Variants in ASB18 observed in about 807,000 individuals in gnomAD.
The protein encoded by ASB18 is ankyrin repeat and SOCS box protein 18.
In ASB18, 33 loss-of-function variants were observed where a neutral mutation model predicts 33.4. That is an observed-to-expected ratio of 0.99 (90% confidence interval 0.75 to 1.32). The LOEUF is 1.32. Among genes scored for constraint, ASB18 ranks in the 40% most tolerant of loss-of-function variants. ASB18 has a pLI of 0.00. For synonymous variants in ASB18, 295 were observed against 307.6 expected (o/e 0.96, Z 0.43); for missense variants, 694 against 655.5 (o/e 1.06, Z -0.64).
In ASB18 at chr2:236,220,610, G is replaced by A. The variant is rs887937502; in HGVS notation, c.597-5744C>T. Among the ~76,000 whole-genome samples, 1 of 147,928 alleles carries A rather than the reference G, an allele frequency of 6.8e-6. No individual in the cohort carries two copies. Among genetic ancestry groups the A allele is most frequent in the African/African-American group, 2.5e-5 (1 of 39,768 alleles). On this transcript the variant is annotated intron_variant, in intron 3 of 5. Coordinates refer to ENST00000409749, the MANE Select transcript of ASB18 (RefSeq NM_212556.4). The surrounding 1 kb of genome is among the most constrained non-coding windows in gnomAD (Gnocchi z 5.1). ...TTAGTCCCTGAAACAACTTTGCATTGTAGGTGGAATTTACAGTTGGGGAAA... is the reference window on the plus strand; with the variant it reads ...TTAGTCCCTGAAACAACTTTGCATTATAGGTGGAATTTACAGTTGGGGAAA...
In ASB18 at chr2:236,218,179, G is replaced by A. The variant is rs994737127; in HGVS notation, c.597-3313C>T. 1.4e-4 allele frequency among the ~76,000 whole-genome samples: 22 copies of A among 152,170 alleles called. 1 individual carries two copies. The highest frequency in any genetic ancestry group is 5.1e-4 in the African/African-American group (21 of 41,434). On this transcript the variant is annotated intron_variant, in intron 3 of 5. Coordinates refer to ENST00000409749, the MANE Select transcript of ASB18 (RefSeq NM_212556.4). ...TCTGCAACACAGATACCTTTCAGAG[G>A]AATGAGGACACTGGCCCACCCTCTG... is the stretch of plus-strand genomic sequence containing the variant.
At position 236,260,874 on chromosome 2, in the gene ASB18, C is replaced by CA. The variant is rs1304180989; in HGVS notation, c.205+3266dup. On this transcript the variant is annotated intron_variant, in intron 1 of 5. Transcript: ENST00000409749. The surrounding 1 kb of genome is among the most constrained non-coding windows in gnomAD (Gnocchi z 5.1). The stretch of plus-strand genomic sequence containing the variant: ...GGAGGCCCCAGCAGAAAGCAGTTCC[C>CA]AAGCTCATCCCACCATGGAGCTCTT... Among the ~76,000 whole-genome samples the CA allele has an allele frequency of 6.6e-6, 1 of 152,188 alleles. No individual in the cohort carries two copies. Among genetic ancestry groups the CA allele is most frequent in the African/African-American group, 2.4e-5 (1 of 41,452 alleles).
chr2:236,212,136 C>T (rs1312778438), intron 4 of ASB18, among the ~76,000 whole-genome samples: 1 of 152,210 alleles, frequency 6.6e-6, no homozygotes, highest in Non-Finnish European at 1.5e-5. Context: ...GATTCCTTGT[C>T]AAGCACTTCC....
chr2:236,206,193 T>A (rs993363863), intron 4 of ASB18, among the ~76,000 whole-genome samples: 1 of 149,594 alleles, frequency 6.7e-6, no homozygotes, highest in Non-Finnish European at 1.5e-5. Context: ...TTCTTGGGTT[T>A]TTTTTTTTTT....
At position 236,205,826 on chromosome 2, in the gene ASB18, G is replaced by A. The variant is rs1171536839; in HGVS notation, c.1101+8536C>T. 6.6e-6 allele frequency among the ~76,000 whole-genome samples: 1 copy of A among 152,174 alleles called. No individual in the cohort carries two copies. The highest frequency in any genetic ancestry group is 2.4e-5 in the African/African-American group (1 of 41,436). On this transcript the variant is annotated intron_variant, in intron 4 of 5. Coordinates refer to ENST00000409749, the MANE Select transcript of ASB18 (RefSeq NM_212556.4). The surrounding 1 kb of genome is among the most constrained non-coding windows in gnomAD (Gnocchi z 5.4). ...TCCAAATTTTCCTTTCAAAATCGGT[G>A]GATGATATTTCATTGTCTTATGTTA...
Position 236,262,928 on chromosome 2 carries a change from C to T in ASB18, c.205+1213G>A, listed in dbSNP as rs894854951. ...TCGGAAGTTCCAATCTCAGACTCCT[C>T]GCCTCAGCACCCTGCAAGCTCCATT... On this transcript the variant is annotated intron_variant, in intron 1 of 5. Transcript: ENST00000409749. The surrounding 1 kb of genome is among the most constrained non-coding windows in gnomAD (Gnocchi z 5.2). Among the ~76,000 whole-genome samples the T allele has an allele frequency of 5.3e-4, 80 of 152,284 alleles. No homozygotes were observed. Among genetic ancestry groups the T allele is most frequent in the African/African-American group, 1.8e-3 (75 of 41,560 alleles).
chr2:236,205,301 C>T lies in ASB18; in HGVS notation c.1102-8916G>A, dbSNP rs1007498645. ...CCTTCCATCTCCGGCCACACTGGTC[C>T]CCTGTGGTTCTGTGCGCAGGGCTGG... On this transcript the variant is annotated intron_variant, in intron 4 of 5. Coordinates refer to ENST00000409749, the MANE Select transcript of ASB18 (RefSeq NM_212556.4). This position sits in a 1 kb window ranked among gnomAD's most constrained non-coding sequence, Gnocchi z 5.4. Among the ~76,000 whole-genome samples, 5 of 152,178 alleles carry T rather than the reference C, an allele frequency of 3.3e-5. No individual in the cohort carries two copies. The highest frequency in any genetic ancestry group is 1.2e-4 in the African/African-American group (5 of 41,440).
rs2060502365 is a variant in ASB18 at position 236,219,750 on chromosome 2, C to G, written c.597-4884G>C. Among the ~76,000 whole-genome samples the G allele has an allele frequency of 6.6e-6, 1 of 152,096 alleles. No individual in the cohort carries two copies. The highest frequency in any genetic ancestry group is 1.5e-5 in the Non-Finnish European group (1 of 68,026). On this transcript the variant is annotated intron_variant, in intron 3 of 5. Coordinates refer to ENST00000409749, the MANE Select transcript of ASB18 (RefSeq NM_212556.4). The surrounding 1 kb of genome is among the most constrained non-coding windows in gnomAD (Gnocchi z 6.4). ...CCCTGAAGCCTTTGCAGGTCTATGTCTGGGACCCAGCCTTGGCTGAGCCTT... is the reference window on the plus strand; with the variant it reads ...CCCTGAAGCCTTTGCAGGTCTATGTGTGGGACCCAGCCTTGGCTGAGCCTT...
chr2:236,221,495 A>G lies in ASB18; in HGVS notation c.597-6629T>C, dbSNP rs2060513095. Among the ~76,000 whole-genome samples, 1 of 152,128 alleles carries G rather than the reference A, an allele frequency of 6.6e-6. No individual in the cohort carries two copies. The highest frequency in any genetic ancestry group is 2.4e-5 in the African/African-American group (1 of 41,402). ...CTTCATACTGTTCTCTTGGTAGTGA[A>G]TAAGTCTCATGAGATCTGATGGTTT... On this transcript the variant is annotated intron_variant, in intron 3 of 5. Coordinates refer to ENST00000409749, the MANE Select transcript of ASB18 (RefSeq NM_212556.4). The surrounding 1 kb of genome is among the most constrained non-coding windows in gnomAD (Gnocchi z 5.6).
At position 236,214,716 on chromosome 2, in the gene ASB18, G is replaced by C; in HGVS notation, c.747C>G (p.Asn249Lys). 3.5e-6 allele frequency: 4 copies of C among 1,156,214 alleles called. No homozygotes were observed. Among genetic ancestry groups the C allele is most frequent in the African/African-American group, 3.3e-5 (2 of 61,028 alleles). 71.6% of individuals were successfully genotyped at this position (1,156,214 alleles called of 1,614,324 possible). A position where few individuals can be genotyped will look rare whatever the true frequency, so the allele number is the denominator to read the frequency against. Residue 249 changes from asparagine (N) to lysine (K), a missense_variant, in exon 4 of 6, where the codon AAC becomes AAG. By Grantham distance (94) the Asn-to-Lys change is moderately conservative. Transcript: ENST00000409749. The surrounding 1 kb of genome is among the most constrained non-coding windows in gnomAD (Gnocchi z 6.5). Reference sequence around the variant, plus strand: ...CGCTCAGAGCCGTCTCTCCGCGGCCGTTCCTCGCGTCCACGTGCGCCCCGC... The same window carrying C: ...CGCTCAGAGCCGTCTCTCCGCGGCCCTTCCTCGCGTCCACGTGCGCCCCGC... ...LGRGAHVDAR[N>K]GRGETALSAA...
Position 236,196,019 on chromosome 2 carries a change from C to A in ASB18, c.1215+253G>T, listed in dbSNP as rs772914907. 2.0e-6 allele frequency: 1 copy of A among 503,968 alleles called. No homozygotes were observed. Among genetic ancestry groups the A allele is most frequent in the Non-Finnish European group, 3.7e-6 (1 of 272,756 alleles). The allele number at this position is 503,968 out of a possible 1,614,324, so 31.2% of individuals were successfully genotyped here. ...TTGGACACTGGTTAAGGAACCCTCG[C>A]GCTTTTCAGGCCAGCACGGGGCTCT... On this transcript the variant is annotated intron_variant, in intron 5 of 5. Coordinates refer to ENST00000409749, the MANE Select transcript of ASB18 (RefSeq NM_212556.4). The surrounding 1 kb of genome is among the most constrained non-coding windows in gnomAD (Gnocchi z 5.6).
rs1226876144 is a variant in ASB18 at position 236,239,298 on chromosome 2, C to G, written c.329-1342G>C. Among the ~76,000 whole-genome samples the G allele has an allele frequency of 6.6e-6, 1 of 152,190 alleles. No homozygotes were observed. Among genetic ancestry groups the G allele is most frequent in the African/African-American group, 2.4e-5 (1 of 41,444 alleles). On this transcript the variant is annotated intron_variant, in intron 2 of 5. Coordinates refer to ENST00000409749, the MANE Select transcript of ASB18 (RefSeq NM_212556.4). This position sits in a 1 kb window ranked among gnomAD's most constrained non-coding sequence, Gnocchi z 5.6. ...ATCCCCAACCCAGCCCCACCCTACC[C>G]TAGCGCTCAGTAAACCCACCCTGGA...
rs72976649 is a variant in ASB18 at position 236,254,319 on chromosome 2, G to A, written c.205+9822C>T. ...TGATTGCACCCTTCTCTCTGCACAC[G>A]TTTCACCCCTTCACTCCCATGGAAT... On this transcript the variant is annotated intron_variant, in intron 1 of 5. Transcript: ENST00000409749. 1,281 of 152,556 alleles carry A rather than the reference G, an allele frequency of 8.4e-3. 11 individuals carry two copies. Among genetic ancestry groups the A allele is most frequent in the Non-Finnish European group, 0.015 (1,021 of 68,012 alleles). 9.5% of individuals were successfully genotyped at this position (152,556 alleles called of 1,614,324 possible). A position where few individuals can be genotyped will look rare whatever the true frequency, so the allele number is the denominator to read the frequency against.
chr2:236,240,855 C>A (rs557588716), intron 2 of ASB18, among the ~76,000 whole-genome samples: 1 of 152,308 alleles, frequency 6.6e-6, no homozygotes, highest in African/African-American at 2.4e-5. Context: ...TGGCTGTGCC[C>A]CTGCTGTAGC....
rs148635349 is a variant in ASB18 at position 236,252,100 on chromosome 2, G to A, written c.206-10698C>T. On this transcript the variant is annotated intron_variant, in intron 1 of 5. Coordinates refer to ENST00000409749, the MANE Select transcript of ASB18 (RefSeq NM_212556.4). The surrounding 1 kb of genome is among the most constrained non-coding windows in gnomAD (Gnocchi z 7.9). The stretch of plus-strand genomic sequence containing the variant: ...AGGCTGACCAACAGGGTAAAACCCC[G>A]TCTCTACTAAAAGTACAAAAATCAG... 9.5e-4 allele frequency among the ~76,000 whole-genome samples: 144 copies of A among 152,224 alleles called. No homozygotes were observed. The highest frequency in any genetic ancestry group is 3.2e-3 in the African/African-American group (134 of 41,536).
intron 4 of ASB18, among the ~76,000 whole-genome samples, chr2:236,201,163 C>CT (rs1227376572): frequency 6.6e-6 from 1 of 151,076 alleles, no homozygotes; most frequent in East Asian, 1.9e-4. Context: ...TCTTTCCTTC[C>CT]TTTTTTGAGA....
Position 236,253,112 on chromosome 2 carries a change from G to C in ASB18, c.205+11029C>G, listed in dbSNP as rs752286227. ...AGATGTTGATCCTAGGAAGTTTCCT[G>C]CCAAACTCCAGTCAGCACCCAACGC... On this transcript the variant is annotated intron_variant, in intron 1 of 5. Transcript: ENST00000409749. The surrounding 1 kb of genome is among the most constrained non-coding windows in gnomAD (Gnocchi z 5.4). Among the ~76,000 whole-genome samples the C allele has an allele frequency of 3.3e-5, 5 of 152,190 alleles. No individual in the cohort carries two copies. Among genetic ancestry groups the C allele is most frequent in the Non-Finnish European group, 5.9e-5 (4 of 68,034 alleles).
In ASB18 at chr2:236,235,614, T is replaced by C. The variant is rs376372818; in HGVS notation, c.596+2075A>G. 3.3e-5 allele frequency among the ~76,000 whole-genome samples: 5 copies of C among 152,242 alleles called. No individual in the cohort carries two copies. In the East Asian group the frequency reaches 9.6e-4, roughly 29 times the overall value. ...ATTAAGCCCTGACCATACCATGTAT[T>C]GGTGAGGCTGTAAAGCAACTGGAAC... On this transcript the variant is annotated intron_variant, in intron 3 of 5. Transcript: ENST00000409749. The surrounding 1 kb of genome is among the most constrained non-coding windows in gnomAD (Gnocchi z 6.2).
At chr2:236,236,620 C>G (rs62190974) in intron 3 of ASB18, among the ~76,000 whole-genome samples, 3 of 151,852 alleles carry the variant, frequency 2.0e-5, no homozygotes, top group African/African-American at 7.3e-5. Context: ...CACGTGGCCC[C>G]CTGATCCCCC....
Sources: allele counts gnomAD v4.1 joint callset (sites outside exome capture counted in the v4.1 genomes callset), GRCh38; gene constraint gnomAD v4.1.1; non-coding constraint Gnocchi (gnomAD v3.1); transcripts MANE v1.5; gene names NCBI Gene and HGNC (gene_info 2026-07-23, HGNC 2026-07-21).